MGAT4A: variants seen among roughly 807,000 people sequenced by gnomAD.
The protein encoded by MGAT4A is alpha-1,3-mannosyl-glycoprotein 4-beta-N-acetylglucosaminyltransferase A.
A neutral mutation model predicts 74.1 loss-of-function variants in MGAT4A; 33 were observed. The ratio of observed to expected loss-of-function variants is 0.45; its 90% CI spans 0.34 to 0.60. The LOEUF (loss-of-function observed/expected upper bound fraction) is 0.60. Among genes scored for constraint, MGAT4A ranks in the 20% least tolerant of loss-of-function variants. The pLI is 0.02. For synonymous variants in MGAT4A, 198 were observed against 210.4 expected, an observed-to-expected ratio of 0.94 and a Z score of 0.51; for missense variants, 479 against 628.3, an observed-to-expected ratio of 0.76 and a Z score of 2.54.
At chr2:98,678,658 G>T (rs1401833218) in intron 2 of MGAT4A, among the ~76,000 whole-genome samples, 187 bp from the exon 3 acceptor site, 1 of 151,918 alleles carries the variant, frequency 6.6e-6, no homozygotes, top group Non-Finnish European at 1.5e-5. Flanking sequence ...CTTATTATTT[G>T]TAAGAATGCT....
chr2:98,675,961 A>G (rs1037236260), intron 3 of MGAT4A, among the ~76,000 whole-genome samples: 3 of 152,258 alleles, frequency 2.0e-5, no homozygotes. Flanking sequence ...GAGAATATCC[A>G]GTACAGATCA....
At chr2:98,639,768 T>G (rs1701377853) in intron 12 of MGAT4A, 40 bp downstream of exon 12, 1 of 1,520,662 alleles carries the variant, frequency 6.6e-7, no homozygotes, top group Non-Finnish European at 9.0e-7. Context: ...GAATAAGAGA[T>G]CCAAATTGTA....
intron 3 of MGAT4A, 94 bp from the exon 4 acceptor site, chr2:98,675,269 C>A: frequency 7.8e-6 from 7 of 901,456 alleles, no homozygotes; most frequent in Non-Finnish European, 1.2e-5. Flanking sequence ...AGAACTAGAA[C>A]TAAAGAATTT....
In MGAT4A at chr2:98,640,218, T is replaced by C. The variant is rs200436921; in HGVS notation, c.1031A>G (p.Asp344Gly). Residue 344 changes from aspartate (D) to glycine (G), a missense_variant, in exon 11 of 16, where the codon GAT (aspartate) becomes GGT (glycine). By Grantham distance (94) the Asp-to-Gly change is moderately conservative (BLOSUM62 -1). Around this residue, in one of 3 missense-constraint regions of MGAT4A, gnomAD observed 236 missense variants for 308.2 expected, o/e 0.77. Transcript: ENST00000393487. Reference sequence around the variant, plus strand: ...AATTCGCAGATTTGCTTTCTGTCTATCACAATGTTTCTAAATATTAAAAAA... The same window carrying C: ...AATTCGCAGATTTGCTTTCTGTCTACCACAATGTTTCTAAATATTAAAAAA... ...CNPEKDAKHC[D>G]RQKANLRIRF... 1.9e-6 allele frequency: 3 copies of C among 1,610,798 alleles called. No homozygotes were observed. The highest frequency in any genetic ancestry group is 8.5e-7 in the Non-Finnish European group (1 of 1,178,654).
At chr2:98,724,488 C>A (rs1488085351) in intron 2 of MGAT4A, among the ~76,000 whole-genome samples, 1 of 152,168 alleles carries the variant, frequency 6.6e-6, no homozygotes, top group Non-Finnish European at 1.5e-5. Context: ...CTGGAAAAAA[C>A]ACCAAGTAGA....
At chr2:98,679,405 CAA>C (rs753919040) in intron 2 of MGAT4A, among the ~76,000 whole-genome samples, 940 of 33,140 alleles carry the variant, frequency 0.028, 1 homozygote, top group African/African-American at 0.032. Flanking sequence ...GACTCCGTCT[CAA>C]AAAAAAAAAA....
At chr2:98,716,489 G>A (rs78163598) in intron 2 of MGAT4A, among the ~76,000 whole-genome samples, 21,185 of 152,080 alleles carry the variant, frequency 0.14, 1,648 homozygotes, top group South Asian at 0.19. Flanking sequence ...GTGGTGGGGT[G>A]CACCTGTAAT....
rs758314995 is a variant in MGAT4A, at chr2:98,644,758, C to T, written c.889+670G>A. ...AAGCAATTATCTTGCCTCAGCCTCC[C>T]GGGGAGCTAGGATTACAGGCGTCTG... is the stretch of plus-strand genomic sequence containing the variant. On this transcript the variant is annotated intron_variant, in intron 9 of 15. Coordinates refer to ENST00000393487, the MANE Select transcript of MGAT4A (RefSeq NM_012214.3). 3.4e-4 allele frequency among the ~76,000 whole-genome samples: 51 copies of T among 152,012 alleles called. 1 individual carries two copies. Among genetic ancestry groups the T allele is most frequent in the Non-Finnish European group, 7.4e-5 (5 of 68,010 alleles).
intron 2 of MGAT4A, among the ~76,000 whole-genome samples, chr2:98,692,228 G>A (rs1702205947): frequency 2.0e-5 from 3 of 151,994 alleles, no homozygotes; most frequent in Non-Finnish European, 4.4e-5. Flanking sequence ...CAGAGTAGCT[G>A]AAGTACAGGT....
In MGAT4A at chr2:98,623,281, T is replaced by C. The variant is rs577139372; in HGVS notation, c.*2285A>G. 8.1e-6 allele frequency: 8 copies of C among 985,396 alleles called. No homozygotes were observed. In the South Asian group the frequency reaches 3.8e-4, roughly 46 times the overall value. The allele number at this position is 985,396 out of a possible 1,614,324, so 61.0% of individuals were successfully genotyped here. On this transcript the variant is annotated 3_prime_UTR_variant, in exon 16 of 16. Transcript: ENST00000393487. ...AAACTGCATGAAAACAGGAAAAAGC[T>C]AGCCAGGCAGGCTGTCTTTAAAGAA...
chr2:98,717,767 T>A (rs1264638653), intron 2 of MGAT4A, among the ~76,000 whole-genome samples: 10 of 152,204 alleles, frequency 6.6e-5, no homozygotes, highest in African/African-American at 2.2e-4. Context: ...CTCCCTCCTC[T>A]CCTACACTAC....
At chr2:98,710,708 T>C (rs918418497) in intron 2 of MGAT4A, among the ~76,000 whole-genome samples, 9 of 152,168 alleles carry the variant, frequency 5.9e-5, no homozygotes, top group African/African-American at 2.2e-4. Flanking sequence ...CCTCCGGAAC[T>C]CAAGTGATCT....
At chr2:98,727,137 G>A (rs1702776171) in intron 1 of MGAT4A, among the ~76,000 whole-genome samples, 1 of 152,090 alleles carries the variant, frequency 6.6e-6, no homozygotes, top group Non-Finnish European at 1.5e-5. Context: ...ATTATTAAAA[G>A]GTTACAGTTA....
At chr2:98,631,375 G>C (rs1039066073) in intron 14 of MGAT4A, among the ~76,000 whole-genome samples, 1 of 152,218 alleles carries the variant, frequency 6.6e-6, no homozygotes. Flanking sequence ...CCTGGCTAGA[G>C]CTCCAACCTC....
chr2:98,681,516 AC>A (rs1308636601), intron 2 of MGAT4A, among the ~76,000 whole-genome samples: 1 of 152,170 alleles, frequency 6.6e-6, no homozygotes, highest in Non-Finnish European at 1.5e-5. Context: ...ATCAGCATAA[AC>A]ACAGTGTCCA....
chr2:98,703,482 A>G (rs1176742106), intron 2 of MGAT4A, among the ~76,000 whole-genome samples: 10 of 152,182 alleles, frequency 6.6e-5, no homozygotes, highest in Admixed American at 6.5e-4. Flanking sequence ...AAATATATGA[A>G]AAAGTAATGA....
At position 98,624,829 on chromosome 2, in the gene MGAT4A, C is replaced by A; in HGVS notation, c.*737G>T. The A allele has an allele frequency of 1.0e-6, 1 of 985,566 alleles. No homozygotes were observed. Among genetic ancestry groups the A allele is most frequent in the Non-Finnish European group, 1.2e-6 (1 of 829,686 alleles). 61.1% of individuals were successfully genotyped at this position (985,566 alleles called of 1,614,324 possible). A position where few individuals can be genotyped will look rare whatever the true frequency, so the allele number is the denominator to read the frequency against. ...CCATACACAGTATAGTAAAGTAACCCTCAGGAAGGACATTAGTCTTTAAAA... is the reference window on the plus strand; with the variant it reads ...CCATACACAGTATAGTAAAGTAACCATCAGGAAGGACATTAGTCTTTAAAA... On this transcript the variant is annotated 3_prime_UTR_variant, in exon 16 of 16. Transcript: ENST00000393487.
chr2:98,633,171 G>T (rs1041879112), intron 14 of MGAT4A, among the ~76,000 whole-genome samples: 2 of 152,250 alleles, frequency 1.3e-5, no homozygotes, highest in African/African-American at 4.8e-5. Flanking sequence ...GCAGAGTTCT[G>T]CCCAGATTCA....
chr2:98,727,784 T>G (rs1702786987), intron 1 of MGAT4A, among the ~76,000 whole-genome samples: 1 of 152,202 alleles, frequency 6.6e-6, no homozygotes. Context: ...TAAAGAAAGA[T>G]CACAGGGGCA....
Sources: allele counts gnomAD v4.1 joint callset (sites outside exome capture counted in the v4.1 genomes callset), GRCh38; gene constraint gnomAD v4.1.1; regional missense constraint gnomAD v4.1.1; transcripts MANE v1.5; gene names NCBI Gene and HGNC (gene_info 2026-07-23, HGNC 2026-07-21).